Variants in SPINK5 observed in about 807,000 individuals in gnomAD.
SPINK5 encodes serine protease inhibitor Kazal-type 5.
SPINK5 carries 125 observed loss-of-function variants against 151.8 expected under a neutral mutation model. The observed-to-expected ratio is 0.82, with a 90% confidence interval of 0.71 to 0.96. The LOEUF is 0.96. SPINK5 is among the 40% of genes least tolerant of loss of function. The pLI is 0.00. For synonymous variants in SPINK5, 374 were observed against 395.3 expected (o/e 0.95, Z 0.64); for missense variants, 1,194 against 1,291.9 (o/e 0.92, Z 1.16).
At chr5:148,083,711 C>T (rs1012659043) in intron 4 of SPINK5, among the ~76,000 whole-genome samples, 1 of 151,388 alleles carries the variant, frequency 6.6e-6, no homozygotes, top group Non-Finnish European at 1.5e-5. Context: ...TTGCTTTTCT[C>T]TTTTATTCTT....
intron 10 of SPINK5, among the ~76,000 whole-genome samples, chr5:148,096,110 T>C (rs1168116064): frequency 1.3e-5 from 2 of 151,978 alleles, no homozygotes; most frequent in South Asian, 2.1e-4. Context: ...TCTAGCTGTA[T>C]ATGGAGGCAA....
At chr5:148,132,679 T>C (rs189808194) in intron 31 of SPINK5, among the ~76,000 whole-genome samples, 18 of 152,326 alleles carry the variant, frequency 1.2e-4, no homozygotes, top group Admixed American at 7.8e-4. Context: ...AGTTTTCTTT[T>C]TTCTCCACTA....
Position 148,134,992 on chromosome 5 carries a change from T to C in SPINK5, c.3186+1105T>C, listed in dbSNP as rs1330641389. On this transcript the variant is annotated intron_variant, in intron 32 of 32. Transcript: ENST00000256084. ...AATTGTGAAAACAAGAATCATAAGC[T>C]AGAGTCTTCCTAGTTTCACATTAGC... 2.0e-5 allele frequency among the ~76,000 whole-genome samples: 3 copies of C among 151,872 alleles called. No individual in the cohort carries two copies. In the East Asian group the frequency reaches 5.8e-4, roughly 29 times the overall value.
At chr5:148,071,064 C>T (rs1752726408) in intron 3 of SPINK5, among the ~76,000 whole-genome samples, 2 of 152,068 alleles carry the variant, frequency 1.3e-5, no homozygotes, top group South Asian at 4.1e-4. Context: ...AACTTGGTTT[C>T]CTTCTCTCCA....
At chr5:148,103,955 T>G (rs1406753224) in intron 15 of SPINK5, among the ~76,000 whole-genome samples, 2 of 152,164 alleles carry the variant, frequency 1.3e-5, no homozygotes, top group East Asian at 3.9e-4. Context: ...CAAGCTCAAT[T>G]TGCAACACTG....
rs992238074 is a variant in SPINK5, at chr5:148,063,980, A to T, written c.-65A>T. On this transcript the variant is annotated 5_prime_UTR_variant, in exon 1 of 33. Transcript: ENST00000256084. ...AAGTAAACTGCATCGCCCCGAGTTC[A>T]GTCATACTGCACCAGCTGAGCAATG... 1.3e-5 allele frequency: 21 copies of T among 1,572,678 alleles called. No individual in the cohort carries two copies. Among genetic ancestry groups the T allele is most frequent in the Non-Finnish European group, 1.8e-5 (20 of 1,142,660 alleles).
chr5:148,131,180 G>T, intron 30 of SPINK5, 79 bp from the exon 31 acceptor site: 1 of 1,532,668 alleles, frequency 6.5e-7, no homozygotes, highest in South Asian at 1.1e-5. Context: ...TTGGATTAAG[G>T]AACTCAAGAG....
chr5:148,121,745 C>G (rs1343650770), intron 26 of SPINK5, among the ~76,000 whole-genome samples: 1 of 151,596 alleles, frequency 6.6e-6, no homozygotes, highest in African/African-American at 2.4e-5. Flanking sequence ...ATTGCTTGAG[C>G]CCAGGAGTTC....
In SPINK5 at chr5:148,121,143, CAAAAAAAAAAA is replaced by C. The variant is rs767012594; in HGVS notation, c.2538+766_2538+776del. On this transcript the variant is annotated intron_variant, in intron 26 of 32. Transcript: ENST00000256084. The stretch of plus-strand genomic sequence containing the variant: ...TGGGCGACAGAGCAAGACTCTGTCT[CAAAAAAAAAAA>C]AAAAAAAAAAAAAGGAAAAGAAAAA... Among the ~76,000 whole-genome samples, 4 of 68,664 alleles carry C rather than the reference CAAAAAAAAAAA, an allele frequency of 5.8e-5. 1 individual carries two copies. Among genetic ancestry groups the C allele is most frequent in the East Asian group, 5.2e-4 (1 of 1,928 alleles). The allele number at this position is 68,664 out of a possible 152,430, so 45.0% of individuals were successfully genotyped here.
chr5:148,123,947 T>TGTC lies in SPINK5; in HGVS notation c.2654_2656dup (p.Cys885_Gln886insArg), dbSNP rs1175563559. ...GATGCACATCAATAAATGTGCTATG[T>TGTC]GTCAGAGCATCTTGTACGTAAAAAG... On this transcript the variant is annotated inframe_insertion, in exon 27 of 33. Transcript: ENST00000256084. The TGTC allele has an allele frequency of 1.2e-6, 2 of 1,614,048 alleles. No homozygotes were observed. The highest frequency in any genetic ancestry group is 1.7e-6 in the Non-Finnish European group (2 of 1,179,958).
rs551723978 is a variant in SPINK5 at position 148,137,161 on chromosome 5, T to G, written c.*170T>G. 1.3e-5 allele frequency: 11 copies of G among 842,974 alleles called. No individual in the cohort carries two copies. Among genetic ancestry groups the G allele is most frequent in the Non-Finnish European group, 1.9e-5 (10 of 514,960 alleles). The allele number at this position is 842,974 out of a possible 1,614,324, so 52.2% of individuals were successfully genotyped here. A position where few individuals can be genotyped will look rare whatever the true frequency, so the allele number is the denominator to read the frequency against. On this transcript the variant is annotated 3_prime_UTR_variant, in exon 33 of 33. Transcript: ENST00000256084. ...CTGATTTTCAGTCTTTTCCATCTCTTTCCTCCTAGACTCTGTGATCTGAGG... is the reference window on the plus strand; with the variant it reads ...CTGATTTTCAGTCTTTTCCATCTCTGTCCTCCTAGACTCTGTGATCTGAGG...
intron 22 of SPINK5, among the ~76,000 whole-genome samples, chr5:148,118,012 GGTTTTTTT>G (rs1248246177): frequency 1.3e-5 from 2 of 149,248 alleles, no homozygotes; most frequent in East Asian, 2.0e-4. Flanking sequence ...AGATGTTAGG[GGTTTTTTT>G]GTTTGTTTGT....
intron 26 of SPINK5, among the ~76,000 whole-genome samples, chr5:148,123,312 A>G (rs1754322352): frequency 6.6e-6 from 1 of 150,644 alleles, no homozygotes; most frequent in Admixed American, 6.6e-5. Flanking sequence ...TGATTGCACC[A>G]CTGCACTCCA....
chr5:148,115,902 A>C (rs1754074659), intron 21 of SPINK5, among the ~76,000 whole-genome samples: 1 of 151,194 alleles, frequency 6.6e-6, no homozygotes, highest in South Asian at 2.1e-4. Flanking sequence ...GCTCACTGTA[A>C]CTTCTGCCTC....
At chr5:148,073,870 A>T (rs1227094452) in intron 4 of SPINK5, among the ~76,000 whole-genome samples, 1 of 126,360 alleles carries the variant, frequency 7.9e-6, no homozygotes, top group Non-Finnish European at 1.6e-5. Context: ...ACAAAACTGT[A>T]AAAAAAAAAA....
At chr5:148,089,859 T>A (rs1041826130) in intron 7 of SPINK5, among the ~76,000 whole-genome samples, 2 of 151,892 alleles carry the variant, frequency 1.3e-5, no homozygotes. Flanking sequence ...GACTCTCATT[T>A]CTTTTAAATT....
intron 4 of SPINK5, among the ~76,000 whole-genome samples, chr5:148,076,634 A>G (rs1362364112): frequency 1.3e-5 from 2 of 151,754 alleles, no homozygotes; most frequent in East Asian, 3.9e-4. Flanking sequence ...CAGATGTTAG[A>G]TGTGGCAGAC....
intron 23 of SPINK5, 136 bp downstream of exon 23, chr5:148,118,700 C>A: frequency 7.7e-7 from 1 of 1,296,736 alleles, no homozygotes; most frequent in Non-Finnish European, 1.1e-6. Context: ...ATTTTTTTCT[C>A]TTGCGTTCTC....
chr5:148,131,474 A>G (rs1012305225), intron 31 of SPINK5, 85 bp downstream of exon 31: 45 of 1,577,400 alleles, frequency 2.9e-5, no homozygotes, highest in Non-Finnish European at 3.7e-5. Flanking sequence ...ACTGATATAA[A>G]TTCGAAATGT....
Sources: allele counts gnomAD v4.1 joint callset (sites outside exome capture counted in the v4.1 genomes callset), GRCh38; gene constraint gnomAD v4.1.1; transcripts MANE v1.5; gene names NCBI Gene and HGNC (gene_info 2026-07-23, HGNC 2026-07-21).